SHISA6: variants seen among roughly 807,000 people sequenced by gnomAD.
SHISA6 encodes protein shisa-6.
In SHISA6, 22 loss-of-function variants were observed where a neutral mutation model predicts 47.9. That is an observed-to-expected ratio of 0.46 (90% CI 0.33 to 0.66). The LOEUF is 0.66. Ranked by LOEUF, SHISA6 falls within the 30% of genes least tolerant of loss-of-function variation. The probability of loss-of-function intolerance (pLI) is 0.02; values close to 1 mark genes in which losing one functional copy is unlikely to be tolerated. For missense variants in SHISA6, 680 were observed against 764.6 expected (o/e 0.89, Z 1.30); for synonymous variants, 388 against 337.8 (o/e 1.15, Z -1.63).
intron 2 of SHISA6, among the ~76,000 whole-genome samples, chr17:11,349,712 C>T (rs1392739770): frequency 6.6e-6 from 1 of 152,160 alleles, no homozygotes; most frequent in Non-Finnish European, 1.5e-5. Flanking sequence ...ACCTGTCAGT[C>T]AGCTCCACTA....
At chr17:11,421,570 A>G (rs1252784777) in intron 3 of SHISA6, among the ~76,000 whole-genome samples, 3 of 152,244 alleles carry the variant, frequency 2.0e-5, no homozygotes, top group Non-Finnish European at 2.9e-5. Flanking sequence ...AAGACATGAT[A>G]CACCACGAGG....
At chr17:11,402,717 C>T (rs4485405) in intron 3 of SHISA6, among the ~76,000 whole-genome samples, 71,165 of 151,826 alleles carry the variant, frequency 0.47, 17,139 homozygotes, top group Middle Eastern at 0.53. Flanking sequence ...AGCAAGGAAA[C>T]ATATTCTTTC....
chr17:11,450,409 C>T (rs544511500), intron 3 of SHISA6, among the ~76,000 whole-genome samples: 1 of 152,028 alleles, frequency 6.6e-6, no homozygotes, highest in African/African-American at 2.4e-5. Flanking sequence ...GTAATCCGGG[C>T]ACTTTGGGAG....
chr17:11,418,663 C>T (rs1290376729), intron 3 of SHISA6, among the ~76,000 whole-genome samples: 2 of 152,176 alleles, frequency 1.3e-5, no homozygotes, highest in South Asian at 4.2e-4. Flanking sequence ...CTATCCCTAC[C>T]TTCCCTGCAT....
chr17:11,421,089 A>G (rs1395578471), intron 3 of SHISA6, among the ~76,000 whole-genome samples: 1 of 152,048 alleles, frequency 6.6e-6, no homozygotes, highest in Non-Finnish European at 1.5e-5. Context: ...CCTTCATTTC[A>G]ATTTGTTCAG....
At position 11,499,883 on chromosome 17, in the gene SHISA6, G is replaced by A. The variant is rs2071437738; in HGVS notation, c.896-52013G>A. 5.3e-5 allele frequency among the ~76,000 whole-genome samples: 8 copies of A among 151,798 alleles called. No homozygotes were observed. In the South Asian group the frequency reaches 1.7e-3, roughly 32 times the overall value. The stretch of plus-strand genomic sequence containing the variant: ...CACCCAGCTAATTTTTGTATTCCTA[G>A]TAAAGATGGGGTTTCACCTTATTAC... On this transcript the variant is annotated intron_variant, in intron 3 of 5. Transcript: ENST00000441885.
At chr17:11,429,667 T>A (rs1015669191) in intron 3 of SHISA6, among the ~76,000 whole-genome samples, 24 of 150,448 alleles carry the variant, frequency 1.6e-4, no homozygotes, top group Non-Finnish European at 2.5e-4. Context: ...GGCGCATGCC[T>A]ATAATCCCAC....
chr17:11,366,235 C>T (rs1452452322), intron 2 of SHISA6, among the ~76,000 whole-genome samples: 1 of 152,204 alleles, frequency 6.6e-6, no homozygotes, highest in Non-Finnish European at 1.5e-5. Context: ...GCAACCTCCA[C>T]CTCCCGGGCT....
intron 3 of SHISA6, among the ~76,000 whole-genome samples, chr17:11,457,656 G>A (rs1418737744): frequency 2.0e-5 from 3 of 150,592 alleles, no homozygotes; most frequent in South Asian, 2.1e-4. Context: ...CAGGAGAATC[G>A]CTTGAACCCG....
At chr17:11,384,381 A>T (rs1038957326) in intron 3 of SHISA6, among the ~76,000 whole-genome samples, 5 of 152,246 alleles carry the variant, frequency 3.3e-5, no homozygotes, top group African/African-American at 9.6e-5. Context: ...GAGTTACAGC[A>T]TGAACACTAG....
intron 2 of SHISA6, among the ~76,000 whole-genome samples, chr17:11,328,968 A>G (rs1467621445): frequency 1.3e-5 from 2 of 152,220 alleles, no homozygotes; most frequent in South Asian, 2.1e-4. Context: ...TCTGCTGCTA[A>G]TAACGATGGT....
At chr17:11,422,313 G>A (rs1022981472) in intron 3 of SHISA6, among the ~76,000 whole-genome samples, 8 of 152,198 alleles carry the variant, frequency 5.3e-5, no homozygotes, top group African/African-American at 1.9e-4. Context: ...CAAGAGGGAT[G>A]CACAGGGAGG....
intron 3 of SHISA6, among the ~76,000 whole-genome samples, chr17:11,382,524 T>C (rs949540792): frequency 6.6e-6 from 1 of 152,238 alleles, no homozygotes; most frequent in Admixed American, 6.5e-5. Flanking sequence ...CCCATGTAAA[T>C]ATCCCATGGA....
At chr17:11,256,075 A>T (rs547229553) in intron 1 of SHISA6, among the ~76,000 whole-genome samples, 1 of 152,232 alleles carries the variant, frequency 6.6e-6, no homozygotes, top group African/African-American at 2.4e-5. Context: ...CTTGCTAACA[A>T]CCGCCAAGTG....
chr17:11,304,848 T>C (rs142096077), intron 2 of SHISA6, among the ~76,000 whole-genome samples: 2 of 152,184 alleles, frequency 1.3e-5, no homozygotes, highest in Non-Finnish European at 2.9e-5. Context: ...TCACTGCGCT[T>C]GGCCACTTGT....
intron 4 of SHISA6, 106 bp downstream of exon 4, chr17:11,552,058 G>A: frequency 7.3e-6 from 9 of 1,234,376 alleles, no homozygotes; most frequent in Non-Finnish European, 9.2e-6. Context: ...TAAACTCACT[G>A]AAGCTAAGGA....
chr17:11,381,524 A>G (rs1405980611), intron 3 of SHISA6, among the ~76,000 whole-genome samples: 1 of 152,196 alleles, frequency 6.6e-6, no homozygotes, highest in Non-Finnish European at 1.5e-5. Flanking sequence ...GGCCTCTCCA[A>G]TAAGGTGGGA....
chr17:11,489,245 A>G (rs987274539), intron 3 of SHISA6, among the ~76,000 whole-genome samples: 12 of 152,052 alleles, frequency 7.9e-5, no homozygotes, highest in Non-Finnish European at 1.6e-4. Flanking sequence ...CCCCAATTTT[A>G]TGAAAATCTT....
At chr17:11,338,265 A>G (rs1453312945) in intron 2 of SHISA6, among the ~76,000 whole-genome samples, 1 of 152,196 alleles carries the variant, frequency 6.6e-6, no homozygotes, top group East Asian at 1.9e-4. Context: ...ACCCACTTAC[A>G]TAACAATTTG....
Sources: allele counts gnomAD v4.1 joint callset (sites outside exome capture counted in the v4.1 genomes callset), GRCh38; gene constraint gnomAD v4.1.1; transcripts MANE v1.5; gene names NCBI Gene and HGNC (gene_info 2026-07-23, HGNC 2026-07-21).